MAML3: variants seen among roughly 807,000 people sequenced by gnomAD.
The protein encoded by MAML3 is mastermind like transcriptional coactivator 3.
Under a neutral mutation model 101.9 loss-of-function variants are expected in MAML3, and 27 were observed. That is an observed-to-expected ratio of 0.27 (90% CI 0.20 to 0.37). MAML3 has a LOEUF of 0.37. Ranked by LOEUF, MAML3 falls within the 10% of genes least tolerant of loss-of-function variation. The probability of loss-of-function intolerance (pLI) is 1.00; values close to 1 mark genes in which losing one functional copy is unlikely to be tolerated. For synonymous variants in MAML3, 501 were observed against 555.9 expected, an observed-to-expected ratio of 0.90 and a Z score of 1.39; for missense variants, 1,316 against 1,444.9, an observed-to-expected ratio of 0.91 and a Z score of 1.45.
At chr4:140,114,456 C>T (rs528003513) in intron 1 of MAML3, among the ~76,000 whole-genome samples, 2 of 152,312 alleles carry the variant, frequency 1.3e-5, no homozygotes, top group African/African-American at 2.4e-5. Flanking sequence ...AATAAAACTA[C>T]AATATTATTG....
At chr4:139,742,893 C>T (rs1240813948) in intron 2 of MAML3, among the ~76,000 whole-genome samples, 1 of 152,096 alleles carries the variant, frequency 6.6e-6, no homozygotes, top group South Asian at 2.1e-4. Context: ...TATTTTTTGC[C>T]ACCTATCCCT....
At chr4:139,829,013 G>A (rs908213786) in intron 2 of MAML3, among the ~76,000 whole-genome samples, 1 of 132,618 alleles carries the variant, frequency 7.5e-6, no homozygotes, top group African/African-American at 3.3e-5. Flanking sequence ...AAGGAAGGAA[G>A]GAAGGAAGGA....
At chr4:139,984,005 T>C (rs1271521205) in intron 1 of MAML3, among the ~76,000 whole-genome samples, 1 of 152,142 alleles carries the variant, frequency 6.6e-6, no homozygotes, top group Non-Finnish European at 1.5e-5. Flanking sequence ...TGGGTAGACA[T>C]ACAGATGCAA....
At chr4:139,742,111 TCATCCTCTCTACAGATCTTAA>T (rs1299764324) in intron 2 of MAML3, among the ~76,000 whole-genome samples, 3 of 151,346 alleles carry the variant, frequency 2.0e-5, no homozygotes, top group Non-Finnish European at 4.4e-5. Context: ...CAATGAGAAA[TCATCCTCTCTACAGATCTTAA>T]ACTTTTCTTT....
intron 2 of MAML3, among the ~76,000 whole-genome samples, chr4:139,879,223 C>T (rs890524893): frequency 1.3e-5 from 2 of 152,054 alleles, no homozygotes; most frequent in African/African-American, 4.8e-5. Context: ...TACTATTTCT[C>T]CATTTGAAAA....
intron 2 of MAML3, among the ~76,000 whole-genome samples, chr4:139,850,900 G>T (rs1228195374): frequency 7.0e-6 from 1 of 143,072 alleles, no homozygotes; most frequent in Non-Finnish European, 1.5e-5. Flanking sequence ...TTATTTGCAA[G>T]ATTAAAAAAA....
At chr4:140,122,296 A>G (rs1430674371) in intron 1 of MAML3, among the ~76,000 whole-genome samples, 1 of 142,862 alleles carries the variant, frequency 7.0e-6, no homozygotes, top group African/African-American at 2.6e-5. Context: ...ATCTCGGCTC[A>G]TTGCAACCTC....
At position 139,897,082 on chromosome 4, in the gene MAML3, C is replaced by G. The variant is rs139668289; in HGVS notation, c.469-6115G>C. ...GTCAGATAAACTCTTACTGTCCTGT[C>G]CCTGATTTTGCACGAAGTTGGGCAG... On this transcript the variant is annotated intron_variant, in intron 1 of 4. Coordinates refer to ENST00000509479, the MANE Select transcript of MAML3 (RefSeq NM_018717.5). 4.5e-3 allele frequency among the ~76,000 whole-genome samples: 685 copies of G among 152,240 alleles called. 10 individuals are homozygous for G. The highest frequency in any genetic ancestry group is 0.016 in the African/African-American group (652 of 41,550).
intron 1 of MAML3, among the ~76,000 whole-genome samples, chr4:140,045,812 G>T (rs1727173959): frequency 6.6e-6 from 1 of 152,168 alleles, no homozygotes; most frequent in Non-Finnish European, 1.5e-5. Context: ...TGAAGTATTG[G>T]TAAGAGCAGC....
intron 1 of MAML3, among the ~76,000 whole-genome samples, chr4:140,103,140 C>T (rs916504279): frequency 5.9e-5 from 9 of 152,202 alleles, no homozygotes; most frequent in Non-Finnish European, 4.4e-5. Context: ...AACTCAATCA[C>T]ATGCTTTTTG....
In MAML3 at chr4:139,863,342, C is replaced by CT. The variant is rs1560817514; in HGVS notation, c.2079+26014_2079+26015insA. On this transcript the variant is annotated intron_variant, in intron 2 of 4. Transcript: ENST00000509479. The stretch of plus-strand genomic sequence containing the variant: ...GCACATTACACACTTTTTCCTGTGC[C>CT]CTTTTTTTTTTTTTTTTTTCCTTTT... 7.5e-5 allele frequency among the ~76,000 whole-genome samples: 8 copies of CT among 106,338 alleles called. No individual in the cohort carries two copies. The East Asian group carries it at 5.7e-3, about 76-fold the overall frequency. The allele number at this position is 106,338 out of a possible 152,430, so 69.8% of individuals were successfully genotyped here. A position where few individuals can be genotyped will look rare whatever the true frequency, so the allele number is the denominator to read the frequency against.
chr4:139,744,998 G>T (rs891500680), intron 2 of MAML3, among the ~76,000 whole-genome samples: 1 of 152,208 alleles, frequency 6.6e-6, no homozygotes, highest in Non-Finnish European at 1.5e-5. Flanking sequence ...ATGAAATGAG[G>T]AAGCCAGTCC....
At position 140,144,451 on chromosome 4, in the gene MAML3, G is replaced by C. The variant is rs568241806; in HGVS notation, c.468+8409C>G. ...TAGTCCCAGCTGCTCGGGAGGCTGA[G>C]GCAGGGGAATTGCTTGAACCTGGGA... On this transcript the variant is annotated intron_variant, in intron 1 of 4. Transcript: ENST00000509479. Among the ~76,000 whole-genome samples the C allele has an allele frequency of 1.1e-4, 17 of 151,852 alleles. 1 individual carries two copies. In the South Asian group the frequency reaches 3.5e-3, roughly 32 times the overall value.
Position 140,043,987 on chromosome 4 carries a change from C to T in MAML3, c.468+108873G>A, listed in dbSNP as rs148054223. On this transcript the variant is annotated intron_variant, in intron 1 of 4. Transcript: ENST00000509479. ...ACTGAGTTAAGTTCTAACTGTGCTC[C>T]TGATAAAAAGGGAATAAATAATACC... Among the ~76,000 whole-genome samples, 113 of 152,162 alleles carry T rather than the reference C, an allele frequency of 7.4e-4. 1 individual carries two copies. In the East Asian group the frequency reaches 0.02, roughly 28 times the overall value.
At chr4:139,751,225 T>C (rs1165230676) in intron 2 of MAML3, among the ~76,000 whole-genome samples, 1 of 152,256 alleles carries the variant, frequency 6.6e-6, no homozygotes, top group East Asian at 1.9e-4. Flanking sequence ...AGGAGACTAC[T>C]ATGATACTTA....
At chr4:139,819,770 T>C (rs2111121033) in intron 2 of MAML3, among the ~76,000 whole-genome samples, 1 of 152,352 alleles carries the variant, frequency 6.6e-6, no homozygotes, top group South Asian at 2.1e-4. Context: ...AATCTAATCC[T>C]ACCCAGATCT....
At chr4:139,978,504 G>A (rs538676809) in intron 1 of MAML3, among the ~76,000 whole-genome samples, 2 of 151,950 alleles carry the variant, frequency 1.3e-5, no homozygotes, top group Admixed American at 6.6e-5. Context: ...CTTTAAAAAC[G>A]AGTGGCAGAG....
chr4:139,774,878 G>A (rs144270097), intron 2 of MAML3, among the ~76,000 whole-genome samples: 5 of 152,284 alleles, frequency 3.3e-5, no homozygotes, highest in African/African-American at 1.2e-4. Context: ...TACTTTGGAG[G>A]AAAGAGAAAT....
chr4:140,056,365 T>C (rs1305776972), intron 1 of MAML3, among the ~76,000 whole-genome samples: 1 of 151,718 alleles, frequency 6.6e-6, no homozygotes, highest in African/African-American at 2.4e-5. Context: ...TTTTCTTTTT[T>C]TTTTTTTTAA....
Sources: allele counts gnomAD v4.1 joint callset (sites outside exome capture counted in the v4.1 genomes callset), GRCh38; gene constraint gnomAD v4.1.1; transcripts MANE v1.5; gene names NCBI Gene and HGNC (gene_info 2026-07-23, HGNC 2026-07-21).